The following GALNT18 variants were observed in gnomAD, a reference collection of about 807,000 sequenced individuals.
GALNT18 encodes the protein GalNAc-transferase 18.
GALNT18 carries 44 observed loss-of-function variants against 69.5 expected under a neutral mutation model. That is an observed-to-expected ratio of 0.63 (90% CI 0.50 to 0.81). GALNT18 has a LOEUF of 0.81. Among genes scored for constraint, GALNT18 ranks in the 40% least tolerant of loss-of-function variants. The probability of loss-of-function intolerance (pLI) is 0.00; values close to 1 mark genes in which losing one functional copy is unlikely to be tolerated. For missense variants in GALNT18, 715 were observed against 810.0 expected (o/e 0.88, Z 1.42); for synonymous variants, 364 against 318.2 (o/e 1.14, Z -1.53).
At chr11:11,330,166 T>C (rs1849993589) in intron 8 of GALNT18, among the ~76,000 whole-genome samples, 1 of 152,174 alleles carries the variant, frequency 6.6e-6, no homozygotes, top group African/African-American at 2.4e-5. Flanking sequence ...TAATGGGACC[T>C]ATTAGTGGAT....
chr11:11,352,050 G>C, intron 6 of GALNT18: 1 of 1,613,776 alleles, frequency 6.2e-7, no homozygotes, highest in Non-Finnish European at 8.5e-7. Context: ...AGTTGGCACT[G>C]AAGAAATCCC....
At chr11:11,539,846 G>A (rs1024745152) in intron 1 of GALNT18, among the ~76,000 whole-genome samples, 1 of 152,164 alleles carries the variant, frequency 6.6e-6, no homozygotes, top group African/African-American at 2.4e-5. Flanking sequence ...AAAGCAGATC[G>A]ATCAGAAATA....
intron 6 of GALNT18, among the ~76,000 whole-genome samples, chr11:11,358,073 CCT>C (rs1850567453): frequency 7.0e-6 from 1 of 142,404 alleles, no homozygotes; most frequent in Non-Finnish European, 1.6e-5. Flanking sequence ...ACTGTCCCTG[CCT>C]CCATCTCCTA....
chr11:11,293,089 C>A lies in GALNT18; in HGVS notation c.1617G>T (p.Arg539=). Residue 539 remains arginine, a synonymous_variant, in exon 10 of 11, where the codon CGG becomes CGT. Transcript: ENST00000227756. ...RCLVDVNSRP[R]LIECSYAKAK... ...CTTTGGCGTAGCTGCATTCGATGAGCCGGGGCCGGCTGTTGACGTCCACCA... is the reference window on the plus strand; with the variant it reads ...CTTTGGCGTAGCTGCATTCGATGAGACGGGGCCGGCTGTTGACGTCCACCA... 7.2e-7 allele frequency: 1 copy of A among 1,383,398 alleles called. No individual in the cohort carries two copies. The highest frequency in any genetic ancestry group is 2.9e-5 in the Admixed American group (1 of 34,478). The allele number at this position is 1,383,398 out of a possible 1,614,324, so 85.7% of individuals were successfully genotyped here. A position where few individuals can be genotyped will look rare whatever the true frequency, so the allele number is the denominator to read the frequency against.
intron 4 of GALNT18, 31 bp downstream of exon 4, chr11:11,379,050 G>C (rs1168338990): frequency 6.5e-7 from 1 of 1,540,086 alleles, no homozygotes; most frequent in African/African-American, 1.4e-5. Flanking sequence ...ATCCCACTGG[G>C]ACTCCTCCTC....
intron 1 of GALNT18, among the ~76,000 whole-genome samples, chr11:11,579,197 A>C (rs1859009756): frequency 6.6e-6 from 1 of 152,178 alleles, no homozygotes; most frequent in Non-Finnish European, 1.5e-5. Context: ...ATGGCAAAGG[A>C]AGGCTCCAGT....
chr11:11,418,539 T>C (rs189438560), intron 3 of GALNT18, among the ~76,000 whole-genome samples: 294 of 152,284 alleles, frequency 1.9e-3, no homozygotes, highest in Non-Finnish European at 2.1e-3. Context: ...CCTCCCAGAG[T>C]GACTGAGATC....
Position 11,377,816 on chromosome 11 carries a change from A to T in GALNT18, c.780-437T>A, listed in dbSNP as rs1252002801. Among the ~76,000 whole-genome samples the T allele has an allele frequency of 2.0e-5, 3 of 152,188 alleles. No homozygotes were observed. Among genetic ancestry groups the T allele is most frequent in the Non-Finnish European group, 4.4e-5 (3 of 68,028 alleles). On this transcript the variant is annotated intron_variant, in intron 4 of 10. Transcript: ENST00000227756. The surrounding 1 kb of genome is among the most constrained non-coding windows in gnomAD (Gnocchi z 4.6). ...GAAAAGACAGATGAGGATGGCAGAGACTAGGAGCTGAGAACAAACCTACAT... is the reference window on the plus strand; with the variant it reads ...GAAAAGACAGATGAGGATGGCAGAGTCTAGGAGCTGAGAACAAACCTACAT...
At chr11:11,554,667 T>C (rs1254755678) in intron 1 of GALNT18, among the ~76,000 whole-genome samples, 9 of 152,148 alleles carry the variant, frequency 5.9e-5, no homozygotes, top group African/African-American at 2.2e-4. Flanking sequence ...CCCCAGAGCC[T>C]GGAATGGAAC....
chr11:11,348,635 C>A lies in GALNT18; in HGVS notation c.1093-7631G>T, dbSNP rs115127767. ...ACTGGCCCTGTCTCTTTCCTGCAGC[C>A]TCATCTCTCATGCCATCTAGTTATG... On this transcript the variant is annotated intron_variant, in intron 6 of 10. Coordinates refer to ENST00000227756, the MANE Select transcript of GALNT18 (RefSeq NM_198516.3). Among the ~76,000 whole-genome samples, 1,237 of 152,284 alleles carry A rather than the reference C, an allele frequency of 8.1e-3. 17 individuals are homozygous for A. Among genetic ancestry groups the A allele is most frequent in the African/African-American group, 0.028 (1,179 of 41,540 alleles).
intron 7 of GALNT18, among the ~76,000 whole-genome samples, chr11:11,336,667 AG>A (rs2133052936): frequency 6.6e-6 from 1 of 152,312 alleles, no homozygotes; most frequent in East Asian, 1.9e-4. Context: ...TCTCAGAGGC[AG>A]GGGGTAAACC....
chr11:11,534,614 C>T (rs548872741), intron 1 of GALNT18, among the ~76,000 whole-genome samples: 5 of 152,226 alleles, frequency 3.3e-5, no homozygotes, highest in Non-Finnish European at 7.3e-5. Context: ...TTGCCCAAGA[C>T]GTCAGATTAC....
chr11:11,279,535 CAT>C (rs1404587903), intron 10 of GALNT18, among the ~76,000 whole-genome samples: 2 of 152,168 alleles, frequency 1.3e-5, no homozygotes, highest in African/African-American at 2.4e-5. Context: ...GTACAGCAGA[CAT>C]ATAACTCACG....
rs138106900 is a variant in GALNT18, at chr11:11,382,949, T to C, written c.596-3685A>G. On this transcript the variant is annotated intron_variant, in intron 3 of 10. Coordinates refer to ENST00000227756, the MANE Select transcript of GALNT18 (RefSeq NM_198516.3). The surrounding 1 kb of genome is among the most constrained non-coding windows in gnomAD (Gnocchi z 4.3). Reference sequence around the variant, plus strand: ...TCTAGAGTCAATGTGCAGCTGTCGATAGCCCATGTTGACAGAGAAATACAA... The same window carrying C: ...TCTAGAGTCAATGTGCAGCTGTCGACAGCCCATGTTGACAGAGAAATACAA... Among the ~76,000 whole-genome samples, 569 of 152,304 alleles carry C rather than the reference T, an allele frequency of 3.7e-3. 1 individual carries two copies. The highest frequency in any genetic ancestry group is 0.013 in the African/African-American group (547 of 41,560).
At chr11:11,498,351 C>A (rs1027915035) in intron 1 of GALNT18, among the ~76,000 whole-genome samples, 7 of 152,134 alleles carry the variant, frequency 4.6e-5, no homozygotes, top group Non-Finnish European at 5.9e-5. Context: ...GCTCTGTGAC[C>A]CTTGGTAAGC....
Position 11,271,277 on chromosome 11 carries a change from T to C in GALNT18, c.1691A>G (p.Gln564Arg). 1 of 1,614,014 alleles carries C rather than the reference T, an allele frequency of 6.2e-7. No individual in the cohort carries two copies. The highest frequency in any genetic ancestry group is 1.1e-5 in the South Asian group (1 of 91,072). The change falls in exon 11 of 11, where the codon CAG (glutamine) becomes CGG (arginine). Residue 564 changes from glutamine to arginine, a missense_variant. Physicochemically the swap from Gln to Arg is conservative, Grantham distance 43. Coordinates refer to ENST00000227756, the MANE Select transcript of GALNT18 (RefSeq NM_198516.3). ...HWQFSQGGPI[Q>R]NRKSKRCLEL... is the part of the protein sequence containing the mutation. ...CAGACAGCGCTTAGACTTGCGGTTC[T>C]GGATGGGTCCTCCCTAGGGGCCAGG...
At chr11:11,298,574 T>C (rs1434902549) in intron 9 of GALNT18, among the ~76,000 whole-genome samples, 5 of 152,134 alleles carry the variant, frequency 3.3e-5, no homozygotes, top group Non-Finnish European at 7.4e-5. Context: ...CCCGGGAGCT[T>C]GGTCCCGAGG....
chr11:11,481,297 AGC>A (rs1856523984), intron 1 of GALNT18, among the ~76,000 whole-genome samples: 4 of 40,592 alleles, frequency 9.9e-5, no homozygotes, highest in African/African-American at 1.4e-4. Context: ...CTCCTCGCTG[AGC>A]ATGAATCCCT....
intron 3 of GALNT18, among the ~76,000 whole-genome samples, chr11:11,409,030 G>A (rs1386161920): frequency 6.6e-6 from 1 of 152,286 alleles, no homozygotes; most frequent in South Asian, 2.1e-4. Context: ...AGGCATTGAG[G>A]TGTCACGATG....
Sources: gnomAD v4.1 joint callset for allele counts (sites outside exome capture counted in the v4.1 genomes callset) on GRCh38, gnomAD v4.1.1 for gene constraint, Gnocchi (gnomAD v3.1) non-coding constraint, MANE v1.5 for transcripts, NCBI Gene and HGNC (gene_info 2026-07-23, HGNC 2026-07-21) for gene names.